RHBDD1: variants seen among roughly 807,000 people sequenced by gnomAD.
RHBDD1 encodes the protein rhomboid domain containing 1.
RHBDD1 carries 38 observed loss-of-function variants against 36.3 expected under a neutral mutation model. That is an observed-to-expected ratio of 1.05 (90% CI 0.81 to 1.37). The LOEUF is 1.37. Among genes scored for constraint, RHBDD1 ranks in the 40% most tolerant of loss-of-function variants. RHBDD1 has a pLI of 0.00. For missense variants in RHBDD1, 393 were observed against 377.6 expected (o/e 1.04, Z -0.34); for synonymous variants, 151 against 136.5 (o/e 1.11, Z -0.74).
At chr2:226,988,170 C>G (rs779127029) in intron 8 of RHBDD1, among the ~76,000 whole-genome samples, 2 of 152,182 alleles carry the variant, frequency 1.3e-5, no homozygotes, top group Non-Finnish European at 1.5e-5. Flanking sequence ...CCTCACTACT[C>G]TTTTCTTTTT....
chr2:226,818,825 G>A, the RHBDD1 span, among the ~76,000 whole-genome samples: 8 of 151,838 alleles, frequency 5.3e-5, no homozygotes, highest in Non-Finnish European at 1.5e-5. Context: ...GGCAACAAGA[G>A]TGAGAATCCA....
chr2:226,820,097 G>A, the RHBDD1 span, among the ~76,000 whole-genome samples: 2 of 151,364 alleles, frequency 1.3e-5, no homozygotes, highest in African/African-American at 4.9e-5. Context: ...TCCCATTTTG[G>A]CACTGTGAAT....
chr2:226,852,296 T>C (rs1942886486), intron 3 of RHBDD1, among the ~76,000 whole-genome samples: 1 of 152,218 alleles, frequency 6.6e-6, no homozygotes, highest in Non-Finnish European at 1.5e-5. Context: ...CACCTTTGTT[T>C]CGCCGCAGTA....
At chr2:226,972,043 G>T (rs1177141386) in intron 8 of RHBDD1, among the ~76,000 whole-genome samples, 4 of 151,990 alleles carry the variant, frequency 2.6e-5, no homozygotes, top group African/African-American at 9.7e-5. Flanking sequence ...AGCCCCACGT[G>T]CATTAGGTCT....
At chr2:226,826,663 G>A in the RHBDD1 span, among the ~76,000 whole-genome samples, 2 of 152,050 alleles carry the variant, frequency 1.3e-5, no homozygotes, top group East Asian at 3.9e-4. Context: ...TAGGACTACA[G>A]GCAGGAGCCA....
chr2:226,822,179 T>A, the RHBDD1 span, among the ~76,000 whole-genome samples: 1 of 152,242 alleles, frequency 6.6e-6, no homozygotes, highest in Non-Finnish European at 1.5e-5. Flanking sequence ...CCATAGCCTG[T>A]TAGACCTATA....
chr2:226,914,189 CTTTTCCTTGTGCCTT>C lies in RHBDD1; in HGVS notation c.713-17_713-3del, dbSNP rs768045087. 3.7e-6 allele frequency: 6 copies of C among 1,612,484 alleles called. No homozygotes were observed. The highest frequency in any genetic ancestry group is 1.7e-5 in the Admixed American group (1 of 59,864). ...ACAGTCCATAGCTGTGTTCTAGAAC[CTTTTCCTTGTGCCTT>C]TAGGCAGCTCTGGATATCAGGATTA... On this transcript the variant is annotated splice_polypyrimidine_tract_variant and splice_region_variant and intron_variant, in intron 7 of 8. Transcript: ENST00000392062.
At chr2:226,815,872 A>G in the RHBDD1 span, among the ~76,000 whole-genome samples, 1 of 152,186 alleles carries the variant, frequency 6.6e-6, no homozygotes, top group Admixed American at 6.5e-5. Context: ...TTCTCTCTCT[A>G]TTATAACATA....
chr2:226,899,142 C>T (rs1947371261), intron 5 of RHBDD1, among the ~76,000 whole-genome samples: 1 of 152,220 alleles, frequency 6.6e-6, no homozygotes, highest in African/African-American at 2.4e-5. Flanking sequence ...AGAGCAGGAA[C>T]ATTTTGCATA....
At chr2:226,882,691 T>C (rs1316570092) in intron 5 of RHBDD1, among the ~76,000 whole-genome samples, 1 of 152,112 alleles carries the variant, frequency 6.6e-6, no homozygotes, top group Non-Finnish European at 1.5e-5. Flanking sequence ...CTTTTATCTA[T>C]CCCAGAACGC....
At chr2:226,831,579 G>A (rs1940741573), upstream of RHBDD1, among the ~76,000 whole-genome samples, 1 of 152,112 alleles carries the variant, frequency 6.6e-6, no homozygotes, top group Non-Finnish European at 1.5e-5. Flanking sequence ...CAGTGGGAAA[G>A]AGACAAGAAT....
chr2:226,897,812 A>C (rs1947237918), intron 5 of RHBDD1, among the ~76,000 whole-genome samples: 1 of 152,122 alleles, frequency 6.6e-6, no homozygotes, highest in African/African-American at 2.4e-5. Flanking sequence ...CTCTACTAAA[A>C]AAACAAACAA....
rs190359021 is a variant in RHBDD1, at chr2:226,923,827, A to T, written c.856+9476A>T. Among the ~76,000 whole-genome samples, 443 of 152,032 alleles carry T rather than the reference A, an allele frequency of 2.9e-3. 9 individuals carry two copies. Among genetic ancestry groups the T allele is most frequent in the Admixed American group, 0.024 (365 of 15,266 alleles). ...GTCAATTACATTTTTCAACTCCAGAATTTCTTCTTGATTTGTTTTAATTAT... is the reference window on the plus strand; with the variant it reads ...GTCAATTACATTTTTCAACTCCAGATTTTCTTCTTGATTTGTTTTAATTAT... On this transcript the variant is annotated intron_variant, in intron 8 of 8. Coordinates refer to ENST00000392062, the MANE Select transcript of RHBDD1 (RefSeq NM_001167608.3).
intron 3 of RHBDD1, among the ~76,000 whole-genome samples, chr2:226,845,336 A>G (rs566075081): frequency 7.2e-5 from 11 of 152,328 alleles, no homozygotes; most frequent in East Asian, 3.9e-4. Context: ...ATAAATATAT[A>G]TACATATATA....
intron 8 of RHBDD1, among the ~76,000 whole-genome samples, chr2:226,922,610 T>C (rs887219709): frequency 1.3e-5 from 2 of 152,156 alleles, no homozygotes; most frequent in Non-Finnish European, 2.9e-5. Flanking sequence ...TCTTTTTTCA[T>C]TTAATGCTAT....
intron 8 of RHBDD1, among the ~76,000 whole-genome samples, chr2:226,927,336 T>TTTTTTTTTG (rs1371704758): frequency 1.3e-5 from 2 of 151,348 alleles, no homozygotes; most frequent in African/African-American, 2.4e-5. Context: ...TACCAGAAGT[T>TTTTTTTTTG]TTTTTTTGTT....
At chr2:226,867,585 C>G (rs1266016368) in intron 5 of RHBDD1, 1 of 985,032 alleles carries the variant, frequency 1.0e-6, no homozygotes, top group Admixed American at 6.2e-5. Context: ...CTATACTGAT[C>G]TGAGGATCAA....
chr2:226,863,033 A>G (rs1247135013), intron 3 of RHBDD1, among the ~76,000 whole-genome samples: 1 of 152,216 alleles, frequency 6.6e-6, no homozygotes, highest in Non-Finnish European at 1.5e-5. Context: ...ATTAGGCTCT[A>G]CTTCCAATAC....
At chr2:226,879,411 C>G (rs889383606) in intron 5 of RHBDD1, among the ~76,000 whole-genome samples, 5 of 152,200 alleles carry the variant, frequency 3.3e-5, no homozygotes, top group African/African-American at 1.2e-4. Context: ...AGAACAAGTA[C>G]TGTTTGTTCA....
Sources: gnomAD v4.1 joint callset for allele counts (sites outside exome capture counted in the v4.1 genomes callset) on GRCh38, gnomAD v4.1.1 for gene constraint, MANE v1.5 for transcripts, NCBI Gene and HGNC (gene_info 2026-07-23, HGNC 2026-07-21) for gene names.